RBFOX1: variants seen among roughly 807,000 people sequenced by gnomAD.
RBFOX1 encodes RNA binding protein fox-1 homolog 1.
RBFOX1 carries 8 observed loss-of-function variants against 57.7 expected under a neutral mutation model. That is an observed-to-expected ratio of 0.14 (90% CI 0.08 to 0.25). The LOEUF is 0.25. RBFOX1 is among the 10% of genes least tolerant of loss of function. RBFOX1 has a pLI of 1.00. For synonymous variants in RBFOX1, 326 were observed against 222.4 expected (o/e 1.47, Z -4.15); for missense variants, 611 against 548.5 (o/e 1.11, Z -1.14).
At chr16:6,895,662 A>G (rs1424035177) in intron 3 of RBFOX1, among the ~76,000 whole-genome samples, 2 of 151,612 alleles carry the variant, frequency 1.3e-5, no homozygotes, top group Non-Finnish European at 2.9e-5. Flanking sequence ...GTTTTGTGGA[A>G]AGGAGGCAAA....
At chr16:6,585,814 T>C (rs1343336587) in intron 2 of RBFOX1, among the ~76,000 whole-genome samples, 1 of 152,208 alleles carries the variant, frequency 6.6e-6, no homozygotes, top group Non-Finnish European at 1.5e-5. Context: ...CTTTGACAAT[T>C]TGTGTAGGGG....
intron 4 of RBFOX1, among the ~76,000 whole-genome samples, chr16:7,314,665 C>G (rs73559856): frequency 1.2e-4 from 18 of 152,206 alleles, no homozygotes; most frequent in Admixed American, 8.5e-4. Flanking sequence ...TGGGCTGACA[C>G]TCTTTTATTA....
At position 7,546,025 on chromosome 16, in the gene RBFOX1, A is replaced by AG. The variant is rs1006983533; in HGVS notation, c.270+27636_270+27637insG. Among the ~76,000 whole-genome samples, 60 of 148,686 alleles carry AG rather than the reference A, an allele frequency of 4.0e-4. No individual in the cohort carries two copies. The East Asian group carries it at 5.8e-3, about 14-fold the overall frequency. The stretch of plus-strand genomic sequence containing the variant: ...TGACTCTGAGCTTATAAAAAAAAAA[A>AG]AAAAAGAAAAAGAAAATCAGGCCAG... On this transcript the variant is annotated intron_variant, in intron 5 of 15. Coordinates refer to ENST00000550418, the MANE Select transcript of RBFOX1 (RefSeq NM_018723.4).
chr16:7,384,693 T>G (rs1284819532), intron 4 of RBFOX1, among the ~76,000 whole-genome samples: 1 of 152,176 alleles, frequency 6.6e-6, no homozygotes. Context: ...AATGACAACC[T>G]AGACTTAGAC....
chr16:6,564,465 C>G (rs1164155080), intron 2 of RBFOX1, among the ~76,000 whole-genome samples: 2 of 104,328 alleles, frequency 1.9e-5, no homozygotes, highest in South Asian at 4.4e-4. Context: ...GTCTCAAAAA[C>G]AAACAAAAAC....
At chr16:5,663,599 C>T (rs1052758051) in intron 3 of RBFOX1, among the ~76,000 whole-genome samples, 1 of 152,152 alleles carries the variant, frequency 6.6e-6, no homozygotes, top group Non-Finnish European at 1.5e-5. Flanking sequence ...TTCAACACTG[C>T]ATCATTCAAA....
intron 1 of RBFOX1, among the ~76,000 whole-genome samples, chr16:5,292,396 T>C (rs1273329859): frequency 6.6e-6 from 1 of 152,240 alleles, no homozygotes; most frequent in African/African-American, 2.4e-5. Flanking sequence ...GGAGCTTCAT[T>C]GCTGATTTTT....
chr16:6,081,186 C>T (rs1462450165), intron 1 of RBFOX1, among the ~76,000 whole-genome samples: 1 of 152,092 alleles, frequency 6.6e-6, no homozygotes, highest in Non-Finnish European at 1.5e-5. Context: ...AGGCTGTTCC[C>T]GGGACACATT....
At chr16:7,206,063 A>G (rs1027067988) in intron 4 of RBFOX1, among the ~76,000 whole-genome samples, 5 of 152,208 alleles carry the variant, frequency 3.3e-5, no homozygotes, top group Non-Finnish European at 2.9e-5. Context: ...ACTTAGACTG[A>G]CACTAGGAAC....
At chr16:7,017,396 C>A (rs571220059) in intron 3 of RBFOX1, among the ~76,000 whole-genome samples, 2 of 152,110 alleles carry the variant, frequency 1.3e-5, no homozygotes, top group African/African-American at 4.8e-5. Context: ...TCTCTAATAA[C>A]GATAAAATGC....
intron 3 of RBFOX1, among the ~76,000 whole-genome samples, chr16:6,657,174 T>G (rs201816591): frequency 6.6e-6 from 1 of 151,054 alleles, no homozygotes; most frequent in East Asian, 2.0e-4. Flanking sequence ...CTTCCCTTTT[T>G]CTCTCCTCCT....
At chr16:7,367,180 C>G (rs75694515) in intron 4 of RBFOX1, among the ~76,000 whole-genome samples, 1 of 152,090 alleles carries the variant, frequency 6.6e-6, no homozygotes, top group African/African-American at 2.4e-5. Flanking sequence ...CAATGACACT[C>G]TGGGGAATGG....
intron 14 of RBFOX1, among the ~76,000 whole-genome samples, chr16:7,692,222 T>C (rs1318813837): frequency 6.6e-6 from 1 of 152,156 alleles, no homozygotes; most frequent in East Asian, 1.9e-4. Context: ...GTACTAAAAA[T>C]ATTATTCTCA....
intron 2 of RBFOX1, among the ~76,000 whole-genome samples, chr16:6,491,906 A>G (rs1427830701): frequency 6.6e-6 from 1 of 152,192 alleles, no homozygotes; most frequent in Non-Finnish European, 1.5e-5. Context: ...ATGTAGCTAT[A>G]GGAAGTTCCT....
intron 4 of RBFOX1, among the ~76,000 whole-genome samples, chr16:7,161,447 A>G (rs888217397): frequency 1.3e-5 from 2 of 152,200 alleles, no homozygotes; most frequent in Non-Finnish European, 2.9e-5. Flanking sequence ...GAGGCACTTG[A>G]AAAACTCTTC....
chr16:5,651,068 T>TTTTTTTTTG (rs2049223448), intron 3 of RBFOX1, among the ~76,000 whole-genome samples: 1 of 116,562 alleles, frequency 8.6e-6, no homozygotes, highest in Non-Finnish European at 1.7e-5. Flanking sequence ...TTTTTTTTTT[T>TTTTTTTTTG]TTGAGACAGG....
chr16:6,902,006 T>G (rs1434759661), intron 3 of RBFOX1, among the ~76,000 whole-genome samples: 3 of 152,300 alleles, frequency 2.0e-5, no homozygotes, highest in African/African-American at 7.2e-5. Context: ...TTTGCCTGAA[T>G]GAATTATTCA....
intron 2 of RBFOX1, among the ~76,000 whole-genome samples, chr16:5,573,943 G>C (rs2046370360): frequency 6.6e-6 from 1 of 152,118 alleles, no homozygotes; most frequent in Non-Finnish European, 1.5e-5. Context: ...AACAGAATGA[G>C]ACCCTGTCTC....
At chr16:7,116,441 C>T (rs1229684516) in intron 4 of RBFOX1, among the ~76,000 whole-genome samples, 2 of 152,126 alleles carry the variant, frequency 1.3e-5, no homozygotes, top group Admixed American at 6.6e-5. Flanking sequence ...AACATCTCTG[C>T]CCATCCCAAA....
Sources: allele counts gnomAD v4.1 joint callset (sites outside exome capture counted in the v4.1 genomes callset), GRCh38; gene constraint gnomAD v4.1.1; transcripts MANE v1.5; gene names NCBI Gene and HGNC (gene_info 2026-07-23, HGNC 2026-07-21).